The following OPHN1 variants were observed in gnomAD, a reference collection of about 807,000 sequenced individuals.
The protein encoded by OPHN1 is oligophrenin 1.
In OPHN1, 11 loss-of-function variants were observed where a neutral mutation model predicts 60.7. The observed-to-expected ratio is 0.18, with a 90% CI of 0.11 to 0.30. The LOEUF (loss-of-function observed/expected upper bound fraction) is 0.30. OPHN1 is among the 10% of genes least tolerant of loss of function. The pLI is 1.00. For missense variants in OPHN1, 449 were observed against 611.0 expected (o/e 0.73, Z 2.80); for synonymous variants, 226 against 222.6 (o/e 1.02, Z -0.14).
chrX:68,350,139 A>C (rs2147702215), intron 2 of OPHN1, among the ~76,000 whole-genome samples: 1 of 111,965 alleles, frequency 8.9e-6, no homozygotes, highest in East Asian at 2.8e-4. Context: ...GCATTAAGAA[A>C]GTTAAATATG....
chrX:68,310,321 TC>T (rs1435405916), intron 2 of OPHN1, among the ~76,000 whole-genome samples: 5 of 111,344 alleles, frequency 4.5e-5, no homozygotes, highest in Non-Finnish European at 9.4e-5. Flanking sequence ...AATAAAGTTA[TC>T]CAGAACCACA....
Position 68,048,516 on chromosome X carries a change from T to C in OPHN1, c.2376-59A>G, listed in dbSNP as rs369888867. On this transcript the variant is annotated intron_variant, in intron 23 of 24. Transcript: ENST00000355520. ...TAGAAATCAGGACTGGAAAGGTAAA[T>C]TGGGGGAATGGGGGACACTTCTAGG... 4 of 1,055,109 alleles carry C rather than the reference T, an allele frequency of 3.8e-6. No individual in the cohort carries two copies. The African/African-American group carries it at 5.5e-5, about 15-fold the overall frequency. 87.0% of individuals were successfully genotyped at this position (1,055,109 alleles called of 1,213,427 possible).
intron 18 of OPHN1, among the ~76,000 whole-genome samples, chrX:68,106,067 C>T (rs1370856207): frequency 9.8e-6 from 1 of 101,848 alleles, no homozygotes. Flanking sequence ...CACACACACA[C>T]ACAACGAGAG....
At chrX:68,264,357 T>A (rs770212934) in intron 5 of OPHN1, among the ~76,000 whole-genome samples, 3 of 111,398 alleles carry the variant, frequency 2.7e-5, no homozygotes, top group Non-Finnish European at 5.6e-5. Context: ...AATCTACTCA[T>A]CTGACAAAGG....
intron 2 of OPHN1, among the ~76,000 whole-genome samples, chrX:68,313,478 CT>C (rs745558540): frequency 1.3e-3 from 143 of 111,996 alleles, no homozygotes; most frequent in African/African-American, 4.1e-3. Flanking sequence ...TCTAATCATT[CT>C]TTTTTTATGG....
chrX:68,432,262 G>A (rs2078889456), intron 2 of OPHN1, among the ~76,000 whole-genome samples: 2 of 111,668 alleles, frequency 1.8e-5, no homozygotes, highest in Admixed American at 1.9e-4. Context: ...GCAGAATTCA[G>A]TGGCAGGTGA....
chrX:68,411,621 T>G lies in OPHN1; in HGVS notation c.154+21246A>C, dbSNP rs1018713259. 1.7e-4 allele frequency among the ~76,000 whole-genome samples: 19 copies of G among 112,041 alleles called. No individual in the cohort carries two copies. In the Admixed American group the frequency reaches 1.8e-3, roughly 11 times the overall value. ...ATACACTTATTAATGAGGCTGTCTGTTTCCTGCTTGTTAATTTGTTTAACT... is the reference window on the plus strand; with the variant it reads ...ATACACTTATTAATGAGGCTGTCTGGTTCCTGCTTGTTAATTTGTTTAACT... On this transcript the variant is annotated intron_variant, in intron 2 of 24. Transcript: ENST00000355520.
At chrX:68,205,429 C>T (rs1329696381) in intron 10 of OPHN1, among the ~76,000 whole-genome samples, 1 of 109,621 alleles carries the variant, frequency 9.1e-6, no homozygotes, top group Non-Finnish European at 1.9e-5. Context: ...GCCTGGGCGA[C>T]AAGAGTGAAG....
intron 2 of OPHN1, among the ~76,000 whole-genome samples, chrX:68,394,956 T>C (rs997766840): frequency 1.0e-5 from 1 of 99,637 alleles, no homozygotes; most frequent in Non-Finnish European, 2.0e-5. Context: ...TATGTATTTA[T>C]TAATTTATTT....
chrX:68,161,645 C>A (rs1463404665), intron 15 of OPHN1, among the ~76,000 whole-genome samples: 1 of 110,410 alleles, frequency 9.1e-6, no homozygotes, highest in Admixed American at 9.7e-5. Flanking sequence ...TACTTTTGGT[C>A]AATTACTTTG....
chrX:68,116,472 A>G lies in OPHN1; in HGVS notation c.1361+2776T>C, dbSNP rs533069172. Among the ~76,000 whole-genome samples, 3 of 111,608 alleles carry G rather than the reference A, an allele frequency of 2.7e-5. No individual in the cohort carries two copies. In the East Asian group the frequency reaches 8.5e-4, roughly 32 times the overall value. ...GGCATGACTCCCCAGACCCCTTAGA[A>G]AGGAATTTGGGCAAGATGAAAAATC... is the stretch of plus-strand genomic sequence containing the variant. On this transcript the variant is annotated intron_variant, in intron 16 of 24. Transcript: ENST00000355520.
At chrX:68,391,882 C>T (rs896811782) in intron 2 of OPHN1, among the ~76,000 whole-genome samples, 2 of 111,200 alleles carry the variant, frequency 1.8e-5, no homozygotes, top group African/African-American at 6.5e-5. Context: ...ACAGGTTCTC[C>T]CCCCAGAGCC....
chrX:68,063,514 C>T (rs988910485), intron 21 of OPHN1, among the ~76,000 whole-genome samples: 1 of 106,488 alleles, frequency 9.4e-6, no homozygotes, highest in African/African-American at 3.4e-5. Flanking sequence ...GAGTGAGACT[C>T]CGTCTCAAAA....
At chrX:68,217,158 AG>A (rs1569246044) in intron 6 of OPHN1, among the ~76,000 whole-genome samples, 1 of 112,079 alleles carries the variant, frequency 8.9e-6, no homozygotes, top group East Asian at 2.9e-4. Context: ...AGTCAAAGAA[AG>A]GGGTGACGGA....
intron 5 of OPHN1, among the ~76,000 whole-genome samples, chrX:68,264,693 T>C (rs1480356721): frequency 1.8e-5 from 2 of 111,886 alleles, no homozygotes; most frequent in Non-Finnish European, 3.8e-5. Context: ...GGACAGTGGG[T>C]GCAGTGCACC....
At chrX:68,365,877 C>A (rs756054735) in intron 2 of OPHN1, among the ~76,000 whole-genome samples, 59 of 103,959 alleles carry the variant, frequency 5.7e-4, no homozygotes, top group Non-Finnish European at 9.9e-4. Context: ...AAGTGACTAT[C>A]CAAGGTCTCA....
In OPHN1 at chrX:68,085,024, T is replaced by C. The variant is rs768047717; in HGVS notation, c.1687-11725A>G. 1.9e-4 allele frequency among the ~76,000 whole-genome samples: 21 copies of C among 112,696 alleles called. No individual in the cohort carries two copies. The Admixed American group carries it at 1.9e-3, about 10-fold the overall frequency. ...TGCAAACATTCAAGCCAAACTTTAA[T>C]GTGGAAATATTGGCAATTGCTGTAG... is the stretch of plus-strand genomic sequence containing the variant. On this transcript the variant is annotated intron_variant, in intron 19 of 24. Transcript: ENST00000355520.
At chrX:68,346,127 C>CAAAT (rs1305474891) in intron 2 of OPHN1, among the ~76,000 whole-genome samples, 3 of 111,466 alleles carry the variant, frequency 2.7e-5, no homozygotes, top group South Asian at 3.8e-4. Context: ...GACTCTGTCT[C>CAAAT]AAATAAATAA....
At chrX:68,431,785 TAAG>T (rs1328794246) in intron 2 of OPHN1, among the ~76,000 whole-genome samples, 1 of 111,225 alleles carries the variant, frequency 9.0e-6, no homozygotes, top group Non-Finnish European at 1.9e-5. Flanking sequence ...TGCATCCGCC[TAAG>T]AAGGTTGCCA....
Sources: gnomAD v4.1 joint callset for allele counts (sites outside exome capture counted in the v4.1 genomes callset) on GRCh38, gnomAD v4.1.1 for gene constraint, MANE v1.5 for transcripts, NCBI Gene and HGNC (gene_info 2026-07-23, HGNC 2026-07-21) for gene names.